The following PRKCE variants were observed in gnomAD, a reference collection of about 807,000 sequenced individuals.
PRKCE encodes the protein protein kinase C epsilon type.
PRKCE carries 16 observed loss-of-function variants against 85.4 expected under a neutral mutation model. That is an observed-to-expected ratio of 0.19 (90% confidence interval 0.13 to 0.28). The LOEUF (loss-of-function observed/expected upper bound fraction) is 0.28. Ranked by LOEUF, PRKCE falls within the 10% of genes least tolerant of loss-of-function variation. PRKCE has a pLI of 1.00. For synonymous variants in PRKCE, 388 were observed against 371.5 expected (o/e 1.04, Z -0.51); for missense variants, 573 against 975.2 (o/e 0.59, Z 5.49).
chr2:45,666,796 C>T (rs1675932791), intron 1 of PRKCE, among the ~76,000 whole-genome samples: 1 of 152,144 alleles, frequency 6.6e-6, no homozygotes, highest in African/African-American at 2.4e-5. Context: ...TGTGCTAATG[C>T]TTGGCATATT....
At chr2:46,069,866 C>G (rs1293602475) in intron 10 of PRKCE, among the ~76,000 whole-genome samples, 1 of 152,206 alleles carries the variant, frequency 6.6e-6, no homozygotes, top group Non-Finnish European at 1.5e-5. Flanking sequence ...CTAGCGGTCA[C>G]CTATTCCCTT....
intron 6 of PRKCE, among the ~76,000 whole-genome samples, chr2:45,996,113 G>A (rs1019537306): frequency 1.3e-5 from 2 of 151,918 alleles, no homozygotes; most frequent in Non-Finnish European, 2.9e-5. Flanking sequence ...TCATTTGGGG[G>A]AATGATAACA....
intron 1 of PRKCE, among the ~76,000 whole-genome samples, chr2:45,654,430 G>A (rs909641628): frequency 1.3e-5 from 2 of 152,210 alleles, no homozygotes; most frequent in Non-Finnish European, 2.9e-5. Context: ...TACAGATGAG[G>A]ACATTGAGTT....
intron 3 of PRKCE, chr2:45,978,118 C>T (rs1456843975): frequency 6.6e-6 from 1 of 152,318 alleles, no homozygotes; most frequent in East Asian, 1.9e-4. Context: ...AATAATGCCC[C>T]ATTCCAGCCA....
intron 10 of PRKCE, 35 bp from the exon 11 acceptor site, chr2:46,086,173 A>G (rs761797699): frequency 6.3e-7 from 1 of 1,595,422 alleles, no homozygotes; most frequent in Non-Finnish European, 8.5e-7. Flanking sequence ...GCTGCAATCA[A>G]ATGACCCAAA....
chr2:45,977,789 C>T (rs1206416091), intron 3 of PRKCE, among the ~76,000 whole-genome samples: 1 of 152,164 alleles, frequency 6.6e-6, no homozygotes, highest in East Asian at 1.9e-4. Context: ...TATGATTCTA[C>T]CCCTAGTAGT....
chr2:45,961,585 A>G (rs1219158830), intron 2 of PRKCE, among the ~76,000 whole-genome samples: 1 of 152,140 alleles, frequency 6.6e-6, no homozygotes, highest in Non-Finnish European at 1.5e-5. Context: ...CAGAGACCCC[A>G]TTTAGACTTT....
chr2:45,796,002 C>T (rs536607772), intron 1 of PRKCE, among the ~76,000 whole-genome samples: 2 of 152,308 alleles, frequency 1.3e-5, no homozygotes, highest in Admixed American at 6.5e-5. Flanking sequence ...TACTCCCATC[C>T]TCCATCTCCC....
intron 1 of PRKCE, among the ~76,000 whole-genome samples, chr2:45,689,647 C>G (rs1207893984): frequency 2.0e-5 from 3 of 151,878 alleles, no homozygotes; most frequent in African/African-American, 7.3e-5. Flanking sequence ...TGGTGGCTCA[C>G]TTCTGTAATT....
At chr2:46,046,117 TGCCCCTGC>T (rs1708506995) in intron 10 of PRKCE, among the ~76,000 whole-genome samples, 1 of 152,234 alleles carries the variant, frequency 6.6e-6, no homozygotes, top group Non-Finnish European at 1.5e-5. Context: ...GAGAGGCCAG[TGCCCCTGC>T]TTACCCAGTG....
rs192594019 is a variant in PRKCE at position 45,703,825 on chromosome 2, G to A, written c.348+51377G>A. 9.1e-4 allele frequency among the ~76,000 whole-genome samples: 132 copies of A among 144,798 alleles called. 2 individuals are homozygous for A. Among genetic ancestry groups the A allele is most frequent in the Middle Eastern group, 3.4e-3 (1 of 292 alleles). The allele number at this position is 144,798 out of a possible 152,430, so 95.0% of individuals were successfully genotyped here. On this transcript the variant is annotated intron_variant, in intron 1 of 14. Coordinates refer to ENST00000306156, the MANE Select transcript of PRKCE (RefSeq NM_005400.3). ...AAAACTATCTTTAACTATGCAGCCT[G>A]TTCACTCATAACAAAAAAATTCCTA...
intron 1 of PRKCE, among the ~76,000 whole-genome samples, chr2:45,773,396 A>G (rs968396704): frequency 1.3e-5 from 2 of 152,214 alleles, no homozygotes; most frequent in African/African-American, 4.8e-5. Flanking sequence ...TAAGCACTTG[A>G]CAGACATCAA....
At chr2:45,706,649 T>C (rs1679138442) in intron 1 of PRKCE, among the ~76,000 whole-genome samples, 1 of 152,196 alleles carries the variant, frequency 6.6e-6, no homozygotes, top group African/African-American at 2.4e-5. Flanking sequence ...TTCTCTCCTG[T>C]TTATCCTGAG....
chr2:45,952,057 TC>T (rs1313783204), intron 2 of PRKCE, among the ~76,000 whole-genome samples: 1 of 152,222 alleles, frequency 6.6e-6, no homozygotes, highest in Non-Finnish European at 1.5e-5. Context: ...GGTCTTCAAC[TC>T]CTGGCGTCAA....
chr2:46,170,685 T>A (rs1468778254), intron 14 of PRKCE, among the ~76,000 whole-genome samples: 2 of 152,212 alleles, frequency 1.3e-5, no homozygotes, highest in African/African-American at 4.8e-5. Flanking sequence ...GCCCGGGAAT[T>A]TGGGGTCATA....
At chr2:45,959,741 A>G (rs867210393) in intron 2 of PRKCE, among the ~76,000 whole-genome samples, 2 of 152,196 alleles carry the variant, frequency 1.3e-5, no homozygotes, top group Non-Finnish European at 2.9e-5. Context: ...GGAATCATCT[A>G]ACTTACCCTC....
At position 45,988,048 on chromosome 2, in the gene PRKCE, G is replaced by T. The variant is rs915143209; in HGVS notation, c.823+3368G>T. ...CTGGCTCTTGCACCCATGCAGCCTG[G>T]CCCTGTTCCTGGCTTTGGCAGGTGC... is the stretch of plus-strand genomic sequence containing the variant. On this transcript the variant is annotated intron_variant, in intron 6 of 14. Transcript: ENST00000306156. Among the ~76,000 whole-genome samples, 3 of 152,190 alleles carry T rather than the reference G, an allele frequency of 2.0e-5. No homozygotes were observed. The East Asian group carries it at 5.8e-4, about 29-fold the overall frequency.
At chr2:45,921,762 G>C (rs1036875783) in intron 2 of PRKCE, among the ~76,000 whole-genome samples, 9 of 152,200 alleles carry the variant, frequency 5.9e-5, no homozygotes, top group African/African-American at 1.9e-4. Flanking sequence ...AGACCTTTGA[G>C]GGGAGGAGTG....
intron 1 of PRKCE, among the ~76,000 whole-genome samples, chr2:45,800,860 C>T (rs1687808383): frequency 6.6e-6 from 1 of 152,190 alleles, no homozygotes; most frequent in Non-Finnish European, 1.5e-5. Context: ...ATGCATGAGC[C>T]ATGGTTCCAG....
Sources: allele counts gnomAD v4.1 joint callset (sites outside exome capture counted in the v4.1 genomes callset), GRCh38; gene constraint gnomAD v4.1.1; transcripts MANE v1.5; gene names NCBI Gene and HGNC (gene_info 2026-07-23, HGNC 2026-07-21).